INF2: variants seen among roughly 807,000 people sequenced by gnomAD.
INF2 encodes inverted formin 2, also known as inverted formin-2.
INF2 carries 43 observed loss-of-function variants against 123.5 expected under a neutral mutation model. That is an observed-to-expected ratio of 0.35 (90% CI 0.27 to 0.45). INF2 has a LOEUF of 0.45. Ranked by LOEUF, INF2 falls within the 20% of genes least tolerant of loss-of-function variation. The probability of loss-of-function intolerance (pLI) is 1.00; values close to 1 mark genes in which losing one functional copy is unlikely to be tolerated. For synonymous variants in INF2, 851 were observed against 745.0 expected (o/e 1.14, Z -2.32); for missense variants, 1,453 against 1,682.7 (o/e 0.86, Z 2.39).
Position 104,707,946 on chromosome 14 carries a change from C to T in INF2, c.1679C>T (p.Pro560Leu), listed in dbSNP as rs1342518068. ...CCCAGCCATCGGCGGGTGAACCCACCCACACTGCGCATGAAGAAGCTGAAC... is the reference window on the plus strand; with the variant it reads ...CCCAGCCATCGGCGGGTGAACCCACTCACACTGCGCATGAAGAAGCTGAAC... ...WVPSHRRVNP[P>L]TLRMKKLNWQ... Residue 560 changes from proline (P) to leucine (L), a missense_variant, in exon 8 of 23, where the codon CCC (proline) becomes CTC (leucine). Coordinates refer to ENST00000392634, the MANE Select transcript of INF2 (RefSeq NM_022489.4). The T allele has an allele frequency of 6.3e-7, 1 of 1,598,990 alleles. No homozygotes were observed. Among genetic ancestry groups the T allele is most frequent in the South Asian group, 1.1e-5 (1 of 91,080 alleles).
chr14:104,702,104 T>C (rs1474947302), intron 2 of INF2, among the ~76,000 whole-genome samples: 2 of 152,038 alleles, frequency 1.3e-5, no homozygotes, highest in Non-Finnish European at 2.9e-5. Context: ...CAGGAGTCAC[T>C]GAGTCAGAGA....
At chr14:104,712,064 C>A (rs1231304056) in intron 16 of INF2, among the ~76,000 whole-genome samples, 9 of 152,136 alleles carry the variant, frequency 5.9e-5, no homozygotes, top group African/African-American at 1.9e-4. Flanking sequence ...AGCAGTGTCA[C>A]CTCCTGGGTC....
chr14:104,710,937 G>T lies in INF2; in HGVS notation c.2240G>T (p.Ser747Ile). 1 of 1,612,270 alleles carries T rather than the reference G, an allele frequency of 6.2e-7. No individual in the cohort carries two copies. Among genetic ancestry groups the T allele is most frequent in the Non-Finnish European group, 8.5e-7 (1 of 1,179,678 alleles). Residue 747 changes from serine to isoleucine, a missense_variant and splice_region_variant, in exon 14 of 23, where the codon AGC (serine) becomes ATC (isoleucine). Around this residue, in one of 8 missense-constraint regions of INF2, gnomAD observed 192 missense variants for 274.4 expected, o/e 0.70. Coordinates refer to ENST00000392634, the MANE Select transcript of INF2 (RefSeq NM_022489.4). ...KAQLVLAACE[S>I]LLTSRQLPIF... ...TCTCCAGCCCTGGCTGCCCCTGCAG[G>T]CCTGCTCACCAGCCGCCAGCTGCCC...
At chr14:104,705,233 A>G (rs1384965781) in intron 5 of INF2, among the ~76,000 whole-genome samples, 1 of 152,224 alleles carries the variant, frequency 6.6e-6, no homozygotes, top group African/African-American at 2.4e-5. Flanking sequence ...CTTGGCCAAC[A>G]TGGTGAAACC....
intron 4 of INF2, 83 bp downstream of exon 4, chr14:104,703,537 G>A (rs548949056): frequency 1.9e-6 from 3 of 1,567,580 alleles, no homozygotes; most frequent in East Asian, 2.2e-5. Context: ...CTGGGGAGGT[G>A]GGAGCGCCAC....
intron 11 of INF2, 38 bp from the exon 12 acceptor site, chr14:104,709,582 G>A (rs1355310044): frequency 6.3e-7 from 1 of 1,576,280 alleles, no homozygotes; most frequent in Non-Finnish European, 8.7e-7. Flanking sequence ...CGGGAAGCTG[G>A]CATGGGGGGA....
chr14:104,685,235 A>G (rs950522087), upstream of INF2, among the ~76,000 whole-genome samples: 3 of 152,194 alleles, frequency 2.0e-5, no homozygotes, highest in African/African-American at 2.4e-5. Context: ...TTCTAAGAGC[A>G]GCAGCCTGGT....
chr14:104,714,748 G>A lies in INF2; in HGVS notation c.3586G>A (p.Asp1196Asn). ...DTSLDKSFSE[D>N]AVTDSSGSGT... ...ATCCCTGGACAAGTCCTTCTCCGAG[G>A]ATGCGGTGACCGACTCCTCGGGGTC... Residue 1196 changes from aspartate (D) to asparagine (N), a missense_variant, in exon 21 of 23, where the codon GAT becomes AAT. By Grantham distance (23) the Asp-to-Asn change is conservative. Coordinates refer to ENST00000392634, the MANE Select transcript of INF2 (RefSeq NM_022489.4). The A allele has an allele frequency of 6.2e-7, 1 of 1,602,320 alleles. No homozygotes were observed. Among genetic ancestry groups the A allele is most frequent in the Non-Finnish European group, 8.5e-7 (1 of 1,174,600 alleles).
intron 8 of INF2, 67 bp downstream of exon 8, chr14:104,708,069 G>A (rs1365960190): frequency 1.9e-6 from 3 of 1,594,622 alleles, no homozygotes; most frequent in Non-Finnish European, 1.7e-6. Flanking sequence ...CTGGGGAGAG[G>A]GGCAGGTGGC....
At chr14:104,682,819 C>T (rs369596862) in intron 1 of INF2, among the ~76,000 whole-genome samples, 326 of 152,258 alleles carry the variant, frequency 2.1e-3, no homozygotes, top group African/African-American at 7.0e-3. Context: ...ACGTCCCCCC[C>T]GGACAAGTCT....
At chr14:104,713,021 T>C (rs1026370823) in intron 18 of INF2, 29 bp downstream of exon 18, 5 of 1,611,450 alleles carry the variant, frequency 3.1e-6, no homozygotes, top group Non-Finnish European at 4.2e-6. Flanking sequence ...ACACAGCCTG[T>C]CTGGCTAGAG....
chr14:104,714,959 A>G, intron 21 of INF2, 103 bp downstream of exon 21: 2 of 1,274,812 alleles, frequency 1.6e-6, no homozygotes, highest in Non-Finnish European at 2.1e-6. Context: ...AGCGGCACCC[A>G]GGAGAGGTGA....
chr14:104,703,400 A>G lies in INF2; in HGVS notation c.613A>G (p.Ile205Val). The G allele has an allele frequency of 1.2e-6, 2 of 1,612,940 alleles. No individual in the cohort carries two copies. Among genetic ancestry groups the G allele is most frequent in the Non-Finnish European group, 1.7e-6 (2 of 1,179,942 alleles). The change falls in exon 4 of 23, where the codon ATC becomes GTC. Residue 205 changes from isoleucine (I) to valine (V), a missense_variant. By Grantham distance (29) the Ile-to-Val change is conservative. Around this residue, in one of 8 missense-constraint regions of INF2, gnomAD observed 251 missense variants for 349.4 expected, o/e 0.72. Coordinates refer to ENST00000392634, the MANE Select transcript of INF2 (RefSeq NM_022489.4). ...CCTGCTTAGCGTGATCAACGCCGTC[A>G]TCTTGGGCCCCGAGGACCTGCGCGC... ...VTLLSVINAV[I>V]LGPEDLRART...
intron 2 of INF2, among the ~76,000 whole-genome samples, 182 bp from the exon 3 acceptor site, chr14:104,702,923 C>T (rs575577264): frequency 6.6e-5 from 10 of 152,344 alleles, no homozygotes; most frequent in Non-Finnish European, 1.2e-4. Context: ...AGGAGCAGGG[C>T]CAGGACACCG....
At chr14:104,716,197 G>A (rs537129052) in intron 22 of INF2, among the ~76,000 whole-genome samples, 9 of 152,284 alleles carry the variant, frequency 5.9e-5, no homozygotes, top group South Asian at 2.1e-4. Context: ...GCCCGGTGTC[G>A]GTGCATCACA....
chr14:104,687,867 C>T (rs1888710240), upstream of INF2, among the ~76,000 whole-genome samples: 1 of 152,256 alleles, frequency 6.6e-6, no homozygotes, highest in South Asian at 2.1e-4. The surrounding 1 kb of genome is among the most constrained non-coding windows in gnomAD (Gnocchi z 5.6). Context: ...CCAACCTCCT[C>T]ACATTCCTCC....
intron 6 of INF2, 95 bp from the exon 7 acceptor site, chr14:104,706,815 G>T: frequency 1.4e-6 from 2 of 1,409,090 alleles, no homozygotes; most frequent in Admixed American, 2.1e-5. Context: ...AATAGAGGGG[G>T]TGATGGGGCT....
Position 104,684,352 on chromosome 14 carries a change from G to C in INF2, c.-104+2770G>C. On this transcript the variant is annotated intron_variant, in intron 1 of 2. Transcript: ENST00000674723. This position sits in a 1 kb window ranked among gnomAD's most constrained non-coding sequence, Gnocchi z 5.0. Reference sequence around the variant, plus strand: ...CGAAGGAGGCCCACCAGCTCTGCCAGCACCCGGCCTCTGCACCTCAGCTTT... The same window carrying C: ...CGAAGGAGGCCCACCAGCTCTGCCACCACCCGGCCTCTGCACCTCAGCTTT... The C allele has an allele frequency of 6.4e-6, 2 of 313,944 alleles. No homozygotes were observed. Among genetic ancestry groups the C allele is most frequent in the South Asian group, 5.3e-5 (2 of 37,480 alleles). 19.4% of individuals were successfully genotyped at this position (313,944 alleles called of 1,614,324 possible). A position where few individuals can be genotyped will look rare whatever the true frequency, so the allele number is the denominator to read the frequency against.
chr14:104,700,995 G>A lies in INF2; in HGVS notation c.-9-362G>A, dbSNP rs570166485. 9 of 421,180 alleles carry A rather than the reference G, an allele frequency of 2.1e-5. 1 individual carries two copies. In the South Asian group the frequency reaches 4.9e-4, roughly 23 times the overall value. The allele number at this position is 421,180 out of a possible 1,614,324, so 26.1% of individuals were successfully genotyped here. A position where few individuals can be genotyped will look rare whatever the true frequency, so the allele number is the denominator to read the frequency against. On this transcript the variant is annotated intron_variant, in intron 1 of 22. Transcript: ENST00000392634. ...AATGTTCCAGCCAGGGGAGCCTCCC[G>A]CTCCCCCGAGTCCTCCCCAAGCTCA...
Sources: gnomAD v4.1 joint callset for allele counts (sites outside exome capture counted in the v4.1 genomes callset) on GRCh38, gnomAD v4.1.1 for gene constraint, gnomAD v4.1.1 regional missense constraint, Gnocchi (gnomAD v3.1) non-coding constraint, MANE v1.5 for transcripts, NCBI Gene and HGNC (gene_info 2026-07-23, HGNC 2026-07-21) for gene names.